Variants in SYMPK observed in about 807,000 individuals in gnomAD.
SYMPK encodes the protein symplekin scaffold protein, also known as symplekin.
Under a neutral mutation model 136.4 loss-of-function variants are expected in SYMPK, and 49 were observed. The ratio of observed to expected loss-of-function variants is 0.36; its 90% confidence interval spans 0.29 to 0.46. The LOEUF is 0.46. Among genes scored for constraint, SYMPK ranks in the 20% least tolerant of loss-of-function variants. The pLI, the probability that SYMPK is intolerant of heterozygous loss-of-function variation, is 1.00. For missense variants in SYMPK, 1,365 were observed against 1,690.0 expected (o/e 0.81, Z 3.37); for synonymous variants, 766 against 713.0 (o/e 1.07, Z -1.19).
At chr19:45,828,122 T>C in intron 14 of SYMPK, 4 of 548,984 alleles carry the variant, frequency 7.3e-6, no homozygotes, top group South Asian at 6.3e-5. Context: ...TGCACCTCTC[T>C]GAAACTCATT....
chr19:45,842,757 C>T, intron 8 of SYMPK: 1 of 449,684 alleles, frequency 2.2e-6, no homozygotes, highest in Non-Finnish European at 4.0e-6. Flanking sequence ...CATCTCTGGT[C>T]TGGAAATTCA....
chr19:45,862,478 A>G (rs1971990908), intron 1 of SYMPK: 1 of 152,270 alleles, frequency 6.6e-6, no homozygotes, highest in African/African-American at 2.4e-5. Context: ...AGACAAACCT[A>G]GTCCCTACCT....
chr19:45,841,776 AG>A (rs749678628), intron 9 of SYMPK, among the ~76,000 whole-genome samples: 4 of 152,338 alleles, frequency 2.6e-5, no homozygotes, highest in Middle Eastern at 6.8e-3. Flanking sequence ...AAGGAATGAA[AG>A]AAGAGCTCCA....
chr19:45,818,609 G>A (rs1324070298), intron 22 of SYMPK, among the ~76,000 whole-genome samples: 2 of 152,192 alleles, frequency 1.3e-5, no homozygotes, highest in African/African-American at 4.8e-5. Context: ...CAGGGCTTGC[G>A]CTGGTGCTGG....
At chr19:45,831,658 G>A in intron 11 of SYMPK, 70 bp from the exon 12 acceptor site, 2 of 1,359,410 alleles carry the variant, frequency 1.5e-6, no homozygotes, top group South Asian at 1.4e-5. Flanking sequence ...GACCTCCTGT[G>A]TGCCTGGCTC....
chr19:45,830,031 G>C, intron 13 of SYMPK, 23 bp downstream of exon 13: 1 of 1,534,490 alleles, frequency 6.5e-7, no homozygotes, highest in Non-Finnish European at 8.8e-7. Context: ...GGAAGGATGG[G>C]GTGGGGGGTG....
chr19:45,859,305 A>C (rs1370939715), intron 1 of SYMPK, among the ~76,000 whole-genome samples: 1 of 151,724 alleles, frequency 6.6e-6, no homozygotes, highest in African/African-American at 2.4e-5. Flanking sequence ...TTAAAAAAAA[A>C]AAAAAAAAAG....
Position 45,821,076 on chromosome 19 carries a change from TA to T in SYMPK, c.2893+307del, listed in dbSNP as rs1365288738. On this transcript the variant is annotated intron_variant, in intron 22 of 26. Transcript: ENST00000245934. This position sits in a 1 kb window ranked among gnomAD's most constrained non-coding sequence, Gnocchi z 4.4. ...CCTGCTTCCTTCTGTTCCTCGGGGC[TA>T]GGGGTGGGGCTACCCAACTGCTTTA... 1 of 639,346 alleles carries T rather than the reference TA, an allele frequency of 1.6e-6. No homozygotes were observed. The highest frequency in any genetic ancestry group is 2.8e-6 in the Non-Finnish European group (1 of 357,150). 39.6% of individuals were successfully genotyped at this position (639,346 alleles called of 1,614,324 possible).
intron 23 of SYMPK, among the ~76,000 whole-genome samples, chr19:45,817,417 C>CTTTTTT (rs559430104): frequency 8.3e-5 from 9 of 108,480 alleles, no homozygotes; most frequent in Admixed American, 1.8e-4. Flanking sequence ...TTTTTGTTCT[C>CTTTTTT]TTTTTTTTTT....
chr19:45,837,131 CA>C (rs1398006597), intron 10 of SYMPK, among the ~76,000 whole-genome samples: 1 of 152,074 alleles, frequency 6.6e-6, no homozygotes, highest in Non-Finnish European at 1.5e-5. Context: ...ATGAACAAAA[CA>C]AAGAGCTAGT....
chr19:45,818,531 A>G (rs1970809157), intron 22 of SYMPK, among the ~76,000 whole-genome samples: 1 of 152,184 alleles, frequency 6.6e-6, no homozygotes, highest in Non-Finnish European at 1.5e-5. Context: ...CCCTCCAGAG[A>G]GAACAGCAGT....
At position 45,826,238 on chromosome 19, in the gene SYMPK, C is replaced by T. The variant is rs1168272295; in HGVS notation, c.2317G>A (p.Asp773Asn). 6.2e-7 allele frequency: 1 copy of T among 1,612,194 alleles called. No individual in the cohort carries two copies. Residue 773 changes from aspartate to asparagine, a missense_variant, in exon 17 of 27, where the codon GAC becomes AAC. Around this residue, in one of 11 missense-constraint regions of SYMPK, gnomAD observed 92 missense variants for 198.6 expected, o/e 0.46. Coordinates refer to ENST00000245934, the MANE Select transcript of SYMPK (RefSeq NM_004819.3). The stretch of plus-strand genomic sequence containing the variant: ...ACCTGTGCCCAACCTGTGTCCTTGT[C>T]AGCTCCAAACAGCACAGACGGTGGG... ...PNPPSVLFGA[D>N]KDTEVAAPWT...
In SYMPK at chr19:45,848,898, G is replaced by A. The variant is rs768772823; in HGVS notation, c.300-22C>T. The A allele has an allele frequency of 5.0e-6, 8 of 1,613,672 alleles. No individual in the cohort carries two copies. In the South Asian group the frequency reaches 8.8e-5, roughly 18 times the overall value. On this transcript the variant is annotated intron_variant, in intron 5 of 26. Coordinates refer to ENST00000245934, the MANE Select transcript of SYMPK (RefSeq NM_004819.3). ...CTTGCTGAGGGATGGAGAAAAAAGG[G>A]GCGAGGTCAAGGTGTGGTCTTAGAG... is the stretch of plus-strand genomic sequence containing the variant.
Position 45,817,961 on chromosome 19 carries a change from G to T in SYMPK, c.3079C>A (p.Gln1027Lys). The change falls in exon 23 of 27, where the codon CAG becomes AAG. Residue 1027 changes from glutamine (Q) to lysine (K), a missense_variant and splice_region_variant. Gln to Lys is a moderately conservative substitution (Grantham distance 53). This residue lies in a region of SYMPK where 156 missense variants were observed against 217.8 expected (regional missense o/e 0.72). Transcript: ENST00000245934. ...CGGGGTGGCCGGGGATGGGTTACCT[G>T]CTTCATGATGAGGCGGGACAGGATG... ...MNILSRLIMK[Q>K]VWKYPKVWEG... 6.3e-7 allele frequency: 1 copy of T among 1,575,184 alleles called. No homozygotes were observed. The highest frequency in any genetic ancestry group is 1.3e-5 in the African/African-American group (1 of 74,340).
chr19:45,826,079 A>T, intron 17 of SYMPK, 147 bp downstream of exon 17: 1 of 1,262,044 alleles, frequency 7.9e-7, no homozygotes, highest in Non-Finnish European at 1.1e-6. Flanking sequence ...CCCTACCCTG[A>T]CTCCCACAGC....
Position 45,842,462 on chromosome 19 carries a change from G to A in SYMPK, c.875C>T (p.Ser292Leu). Residue 292 changes from serine to leucine, a missense_variant, in exon 9 of 27, where the codon TCG becomes TTG. Physicochemically the swap from Ser to Leu is moderately radical, Grantham distance 145. This residue lies in a region of SYMPK where 237 missense variants were observed against 292.9 expected (regional missense o/e 0.81). Transcript: ENST00000245934. ...ATTCTTACGCACACTGCTCACCTGC[G>A]ATTTGGCCAGCGTCGGGGGCAGGTT... ...HANLPPTLAK[S>L]QVSSVRKNLK... 6.2e-7 allele frequency: 1 copy of A among 1,613,478 alleles called. No homozygotes were observed. The highest frequency in any genetic ancestry group is 8.5e-7 in the Non-Finnish European group (1 of 1,179,626).
chr19:45,827,828 T>C lies in SYMPK; in HGVS notation c.2067+9A>G, dbSNP rs202001269. The C allele has an allele frequency of 5.0e-5, 81 of 1,613,830 alleles. No homozygotes were observed. The highest frequency in any genetic ancestry group is 1.7e-4 in the Middle Eastern group (1 of 6,060). On this transcript the variant is annotated intron_variant, in intron 15 of 26. Coordinates refer to ENST00000245934, the MANE Select transcript of SYMPK (RefSeq NM_004819.3). ...GCCCCGGGCTGCACTGACCAGGGCC[T>C]GTCCTCACCTCATCCTCGCAGTACT... is the stretch of plus-strand genomic sequence containing the variant.
Position 45,843,942 on chromosome 19 carries a change from CAAAAAAAAAAAAAAAA to C in SYMPK, c.847+72_847+87del, listed in dbSNP as rs57025339. The C allele has an allele frequency of 4.1e-5, 10 of 245,004 alleles. No individual in the cohort carries two copies. The East Asian group carries it at 6.6e-4, about 16-fold the overall frequency. 15.2% of individuals were successfully genotyped at this position (245,004 alleles called of 1,614,324 possible). On this transcript the variant is annotated intron_variant, in intron 8 of 26. Transcript: ENST00000245934. The stretch of plus-strand genomic sequence containing the variant: ...CTGGTGACAGAGCGAGACTCTGTCT[CAAAAAAAAAAAAAAAA>C]AAAAAAAAAAAAGAAAGAGCAGACT...
rs760554630 is a variant in SYMPK at position 45,815,833 on chromosome 19, G to T, written c.3687+18C>A. On this transcript the variant is annotated intron_variant, in intron 26 of 26. Coordinates refer to ENST00000245934, the MANE Select transcript of SYMPK (RefSeq NM_004819.3). ...CAGATCCGGCTTCTTCCTTCGCAGC[G>T]GAGGCTGCTCTCCCTACCTTGGGTA... 1.2e-6 allele frequency: 2 copies of T among 1,609,378 alleles called. No homozygotes were observed. Among genetic ancestry groups the T allele is most frequent in the South Asian group, 1.1e-5 (1 of 90,678 alleles).
Sources: allele counts gnomAD v4.1 joint callset (sites outside exome capture counted in the v4.1 genomes callset), GRCh38; gene constraint gnomAD v4.1.1; regional missense constraint gnomAD v4.1.1; non-coding constraint Gnocchi (gnomAD v3.1); transcripts MANE v1.5; gene names NCBI Gene and HGNC (gene_info 2026-07-23, HGNC 2026-07-21).